Variants in KIRREL1 observed in about 807,000 individuals in gnomAD.
The protein encoded by KIRREL1 is kirre like nephrin family adhesion molecule 1, also known as kin of IRRE-like protein 1.
A neutral mutation model predicts 83.3 loss-of-function variants in KIRREL1; 25 were observed. The observed-to-expected ratio is 0.30, with a 90% confidence interval of 0.22 to 0.42. KIRREL1 has a LOEUF of 0.42. KIRREL1 is among the 10% of genes least tolerant of loss of function. The pLI is 1.00. For synonymous variants in KIRREL1, 388 were observed against 410.4 expected (o/e 0.95, Z 0.66); for missense variants, 812 against 1,032.3 (o/e 0.79, Z 2.92).
intron 1 of KIRREL1, among the ~76,000 whole-genome samples, chr1:158,043,806 C>T (rs1043805781): frequency 6.6e-6 from 1 of 152,046 alleles, no homozygotes; most frequent in South Asian, 2.1e-4. Context: ...GGCAGGGAGC[C>T]GTGAACAGCA....
intron 1 of KIRREL1, among the ~76,000 whole-genome samples, chr1:158,075,507 C>G (rs774544187): frequency 2.6e-5 from 4 of 152,242 alleles, no homozygotes; most frequent in Non-Finnish European, 4.4e-5. Context: ...GATACACTTT[C>G]CACCCAGGAA....
At chr1:158,011,777 G>A (rs749649581) in intron 1 of KIRREL1, among the ~76,000 whole-genome samples, 1 of 152,154 alleles carries the variant, frequency 6.6e-6, no homozygotes, top group Non-Finnish European at 1.5e-5. Flanking sequence ...GGGCAGCAGT[G>A]GGGGAAGGAG....
chr1:158,064,865 T>C (rs1048800785), intron 1 of KIRREL1, among the ~76,000 whole-genome samples: 1 of 151,140 alleles, frequency 6.6e-6, no homozygotes, highest in Non-Finnish European at 1.5e-5. Context: ...GCTCATAGAC[T>C]CAGATGGTTC....
intron 1 of KIRREL1, among the ~76,000 whole-genome samples, chr1:158,006,076 G>A (rs184062990): frequency 1.9e-4 from 29 of 152,326 alleles, no homozygotes; most frequent in African/African-American, 6.7e-4. Flanking sequence ...GCAAAGTACA[G>A]ATGGGGCGAG....
rs753403792 is a variant in KIRREL1, at chr1:158,093,772, C to G, written c.1719+10C>G. 4.3e-6 allele frequency: 7 copies of G among 1,613,928 alleles called. No individual in the cohort carries two copies. Among genetic ancestry groups the G allele is most frequent in the Non-Finnish European group, 5.1e-6 (6 of 1,179,938 alleles). ...GAAGGCCATCTACTCGGTGAGGGTC[C>G]TGCTCCTCTCTGGCCTCCTGCCTTC... is the stretch of plus-strand genomic sequence containing the variant. On this transcript the variant is annotated intron_variant, in intron 13 of 14. Coordinates refer to ENST00000359209, the MANE Select transcript of KIRREL1 (RefSeq NM_018240.7).
rs1348997568 is a variant in KIRREL1 at position 158,089,487 on chromosome 1, G to A, written c.1045-15G>A. 1.2e-6 allele frequency: 2 copies of A among 1,613,914 alleles called. No homozygotes were observed. The highest frequency in any genetic ancestry group is 1.7e-6 in the Non-Finnish European group (2 of 1,179,980). ...GCCTCCTGGCTCCCCACCCGAGGCTGCTCTCTCTGCCCAGGTCCTGAGTAA... is the reference window on the plus strand; with the variant it reads ...GCCTCCTGGCTCCCCACCCGAGGCTACTCTCTCTGCCCAGGTCCTGAGTAA... On this transcript the variant is annotated splice_polypyrimidine_tract_variant and intron_variant, in intron 8 of 14. Coordinates refer to ENST00000359209, the MANE Select transcript of KIRREL1 (RefSeq NM_018240.7).
rs1661023438 is a variant in KIRREL1 at position 158,055,281 on chromosome 1, A to C, written c.53-20832A>C. ...CTCCTAGAGCCTGACTTTCGCTGTC[A>C]TGATTAACAGCTGTTTGCATCTTGC... On this transcript the variant is annotated intron_variant, in intron 1 of 14. Transcript: ENST00000359209. 5.3e-5 allele frequency among the ~76,000 whole-genome samples: 8 copies of C among 152,114 alleles called. No individual in the cohort carries two copies. In the South Asian group the frequency reaches 1.7e-3, roughly 32 times the overall value.
At chr1:158,036,341 C>T (rs1660475550) in intron 1 of KIRREL1, among the ~76,000 whole-genome samples, 1 of 152,156 alleles carries the variant, frequency 6.6e-6, no homozygotes, top group African/African-American at 2.4e-5. Flanking sequence ...GCTGGAGGTG[C>T]TGGGCAGTGA....
chr1:158,042,209 C>T (rs1303063521), intron 1 of KIRREL1, among the ~76,000 whole-genome samples: 3 of 117,708 alleles, frequency 2.5e-5, no homozygotes, highest in Non-Finnish European at 3.5e-5. Context: ...GGGTCTTCTC[C>T]AGGGTGTGTG....
intron 1 of KIRREL1, among the ~76,000 whole-genome samples, chr1:158,051,345 T>C (rs1187157089): frequency 6.6e-6 from 1 of 152,196 alleles, no homozygotes; most frequent in African/African-American, 2.4e-5. Context: ...AGTTCTATCA[T>C]CTATAATGAC....
At chr1:158,052,306 A>T (rs1193054324) in intron 1 of KIRREL1, among the ~76,000 whole-genome samples, 1 of 151,972 alleles carries the variant, frequency 6.6e-6, no homozygotes, top group Non-Finnish European at 1.5e-5. Flanking sequence ...CAGCCAACCC[A>T]CCCAACATTC....
chr1:158,073,815 G>A (rs1266874230), intron 1 of KIRREL1, among the ~76,000 whole-genome samples: 1 of 152,220 alleles, frequency 6.6e-6, no homozygotes, highest in Non-Finnish European at 1.5e-5. Context: ...AGGGTCAGCT[G>A]CTTCTTCATT....
At position 158,081,076 on chromosome 1, in the gene KIRREL1, T is replaced by G. The variant is rs1161532578; in HGVS notation, c.352+2936T>G. ...GGCCCTCTTCACAAAATGGCCTCTGTCATTCTTCCTTAGGGTAGGACTTTG... is the reference window on the plus strand; with the variant it reads ...GGCCCTCTTCACAAAATGGCCTCTGGCATTCTTCCTTAGGGTAGGACTTTG... On this transcript the variant is annotated intron_variant, in intron 3 of 14. Transcript: ENST00000359209. 7.1e-5 allele frequency among the ~76,000 whole-genome samples: 10 copies of G among 141,768 alleles called. 1 individual carries two copies. Among genetic ancestry groups the G allele is most frequent in the African/African-American group, 2.6e-4 (10 of 38,924 alleles). 93.0% of individuals were successfully genotyped at this position (141,768 alleles called of 152,430 possible).
At chr1:158,024,801 A>C (rs1171539289) in intron 1 of KIRREL1, among the ~76,000 whole-genome samples, 1 of 152,162 alleles carries the variant, frequency 6.6e-6, no homozygotes, top group Non-Finnish European at 1.5e-5. Flanking sequence ...CTGACCTCAG[A>C]ATTGAAGCAG....
chr1:158,044,570 C>T (rs1660723433), intron 1 of KIRREL1, among the ~76,000 whole-genome samples: 1 of 152,222 alleles, frequency 6.6e-6, no homozygotes, highest in Non-Finnish European at 1.5e-5. Flanking sequence ...ACGAACTCGG[C>T]TTACTGCAAC....
chr1:158,011,322 T>C (rs145422715), intron 1 of KIRREL1, among the ~76,000 whole-genome samples: 52 of 152,340 alleles, frequency 3.4e-4, no homozygotes, highest in African/African-American at 1.2e-3. Flanking sequence ...CCAAAGCCTC[T>C]TTCATAATTA....
intron 1 of KIRREL1, among the ~76,000 whole-genome samples, chr1:158,058,454 G>T (rs1229515167): frequency 2.0e-5 from 3 of 152,142 alleles, no homozygotes; most frequent in Non-Finnish European, 2.9e-5. Flanking sequence ...GGCTGTCACT[G>T]AGAAATGCCT....
chr1:158,041,378 A>G (rs781318822), intron 1 of KIRREL1, among the ~76,000 whole-genome samples: 1 of 152,222 alleles, frequency 6.6e-6, no homozygotes, highest in Non-Finnish European at 1.5e-5. Context: ...ACCAAGGGAG[A>G]GACAATTCAG....
intron 3 of KIRREL1, among the ~76,000 whole-genome samples, chr1:158,078,398 G>A (rs1481701627): frequency 6.6e-6 from 1 of 152,186 alleles, no homozygotes; most frequent in Non-Finnish European, 1.5e-5. Context: ...CTCAGGGACA[G>A]GGCCTTCTGC....
Sources: allele counts gnomAD v4.1 joint callset (sites outside exome capture counted in the v4.1 genomes callset), GRCh38; gene constraint gnomAD v4.1.1; transcripts MANE v1.5; gene names NCBI Gene and HGNC (gene_info 2026-07-23, HGNC 2026-07-21).